Variants in QTRT1 observed in about 807,000 individuals in gnomAD.
The protein encoded by QTRT1 is queuine tRNA-ribosyltransferase catalytic subunit 1.
QTRT1 carries 41 observed loss-of-function variants against 44.0 expected under a neutral mutation model. The ratio of observed to expected loss-of-function variants is 0.93; its 90% CI spans 0.73 to 1.21. QTRT1 has a LOEUF of 1.21. QTRT1 is among the 50% of genes most tolerant of loss of function. QTRT1 has a pLI of 0.00. For synonymous variants in QTRT1, 226 were observed against 237.1 expected (o/e 0.95, Z 0.43); for missense variants, 542 against 575.8 (o/e 0.94, Z 0.60).
In QTRT1 at chr19:10,712,268, A is replaced by T; in HGVS notation, c.754A>T (p.Lys252Ter). Residue 252 changes from lysine (K) to a stop codon, truncating the protein, a stop_gained, in exon 6 of 10, where the codon AAG (lysine) becomes TAG (stop). Transcript: ENST00000250237. LOFTEE classifies it high-confidence loss of function. The surrounding 1 kb of genome is among the most constrained non-coding windows in gnomAD (Gnocchi z 5.6). ...GGCGCTGAGCACCTCTCGGCTGCCG[A>T]AGGACAAGCCCCGATATCTGATGGG... ...MVALSTSRLPKDKPRYLMGVG... is the reference protein window; with the variant it reads ...MVALSTSRLP The T allele has an allele frequency of 6.2e-7, 1 of 1,613,814 alleles. No individual in the cohort carries two copies. Among genetic ancestry groups the T allele is most frequent in the Non-Finnish European group, 8.5e-7 (1 of 1,179,910 alleles).
intron 3 of QTRT1, 112 bp downstream of exon 3, chr19:10,702,366 G>A: frequency 1.6e-6 from 2 of 1,254,878 alleles, no homozygotes; most frequent in East Asian, 2.5e-5. Flanking sequence ...TCCTCGCTGA[G>A]CTTCAGTTGA....
intron 3 of QTRT1, among the ~76,000 whole-genome samples, chr19:10,705,840 CTTTTTTTTTTTTTTTT>C (rs71164114): frequency 2.7e-5 from 1 of 37,700 alleles, no homozygotes; most frequent in Admixed American, 4.0e-4. Context: ...CTGGCCTGTT[CTTTTTTTTTTTTTTTT>C]TTTTTTTTTT....
Position 10,712,095 on chromosome 19 carries a change from T to C in QTRT1, c.647-66T>C, listed in dbSNP as rs1388885734. On this transcript the variant is annotated intron_variant, in intron 5 of 9. Coordinates refer to ENST00000250237, the MANE Select transcript of QTRT1 (RefSeq NM_031209.3). The surrounding 1 kb of genome is among the most constrained non-coding windows in gnomAD (Gnocchi z 5.6). ...CGACTCTGGAAGTCTGGGCAGGGTGTGTTCTGGGATTGAAGACCAGGCGCA... is the reference window on the plus strand; with the variant it reads ...CGACTCTGGAAGTCTGGGCAGGGTGCGTTCTGGGATTGAAGACCAGGCGCA... The C allele has an allele frequency of 6.3e-7, 1 of 1,596,920 alleles. No individual in the cohort carries two copies. The highest frequency in any genetic ancestry group is 1.3e-5 in the African/African-American group (1 of 74,644).
chr19:10,702,552 C>T (rs2068694968), intron 3 of QTRT1, among the ~76,000 whole-genome samples: 1 of 151,882 alleles, frequency 6.6e-6, no homozygotes, highest in Non-Finnish European at 1.5e-5. Context: ...GCCTGTAATC[C>T]CAGCAATTTG....
chr19:10,709,717 C>T (rs577417241), intron 5 of QTRT1, among the ~76,000 whole-genome samples: 15 of 152,186 alleles, frequency 9.9e-5, no homozygotes, highest in South Asian at 8.3e-4. Flanking sequence ...GGCGTGGTGG[C>T]GGGCGCCTGT....
In QTRT1 at chr19:10,712,210, G is replaced by A. The variant is rs1469624698; in HGVS notation, c.696G>A (p.Gly232=). ...VPGFAIGGLS[G]GESKSQFWRM... is the part of the protein sequence containing the mutation. ...GCTTCGCCATCGGGGGCCTGAGCGGGGGTGAGAGCAAGTCGCAGTTCTGGC... is the reference window on the plus strand; with the variant it reads ...GCTTCGCCATCGGGGGCCTGAGCGGAGGTGAGAGCAAGTCGCAGTTCTGGC... Residue 232 remains glycine, a synonymous_variant, in exon 6 of 10, where the codon GGG becomes GGA. Coordinates refer to ENST00000250237, the MANE Select transcript of QTRT1 (RefSeq NM_031209.3). This position sits in a 1 kb window ranked among gnomAD's most constrained non-coding sequence, Gnocchi z 5.6. The A allele has an allele frequency of 4.3e-6, 7 of 1,613,884 alleles. No individual in the cohort carries two copies. Among genetic ancestry groups the A allele is most frequent in the Non-Finnish European group, 5.9e-6 (7 of 1,180,056 alleles).
At chr19:10,705,840 CT>C (rs71164114) in intron 3 of QTRT1, among the ~76,000 whole-genome samples, 386 of 37,664 alleles carry the variant, frequency 0.01, no homozygotes, top group African/African-American at 0.037. Context: ...CTGGCCTGTT[CT>C]TTTTTTTTTT....
At chr19:10,711,892 G>A (rs1481862613) in intron 5 of QTRT1, 1 of 563,164 alleles carries the variant, frequency 1.8e-6, no homozygotes, top group Non-Finnish European at 3.2e-6. Context: ...AGTACTGAAG[G>A]AAAAGGTCTT....
rs767045564 is a variant in QTRT1 at position 10,712,214 on chromosome 19, G to A, written c.700G>A (p.Glu234Lys). Residue 234 changes from glutamate to lysine, a missense_variant, in exon 6 of 10, where the codon GAG (glutamate) becomes AAG (lysine). Transcript: ENST00000250237. This position sits in a 1 kb window ranked among gnomAD's most constrained non-coding sequence, Gnocchi z 5.6. ...GFAIGGLSGGESKSQFWRMVA... is the reference protein window; with the variant it reads ...GFAIGGLSGGKSKSQFWRMVA... Reference sequence around the variant, plus strand: ...CGCCATCGGGGGCCTGAGCGGGGGTGAGAGCAAGTCGCAGTTCTGGCGGAT... The same window carrying A: ...CGCCATCGGGGGCCTGAGCGGGGGTAAGAGCAAGTCGCAGTTCTGGCGGAT... The A allele has an allele frequency of 1.2e-6, 2 of 1,614,028 alleles. No individual in the cohort carries two copies. Among genetic ancestry groups the A allele is most frequent in the Non-Finnish European group, 1.7e-6 (2 of 1,180,056 alleles).
Position 10,707,352 on chromosome 19 carries a change from G to T in QTRT1, c.502G>T (p.Gly168Trp). The T allele has an allele frequency of 6.2e-7, 1 of 1,614,126 alleles. No homozygotes were observed. ...CGACGTGGTTAGCAGTACTGTGACTGGGCCACGTGTGGAGGAGGCCATGTA... is the reference window on the plus strand; with the variant it reads ...CGACGTGGTTAGCAGTACTGTGACTTGGCCACGTGTGGAGGAGGCCATGTA... ...LDDVVSSTVT[G>W]PRVEEAMYRS... Residue 168 changes from glycine to tryptophan, a missense_variant, in exon 4 of 10, where the codon GGG becomes TGG. By Grantham distance (184) the Gly-to-Trp change is radical (BLOSUM62 -2). Transcript: ENST00000250237.
chr19:10,701,989 T>G lies in QTRT1; in HGVS notation c.283T>G (p.Phe95Val). The G allele has an allele frequency of 6.2e-7, 1 of 1,614,160 alleles. No individual in the cohort carries two copies. Among genetic ancestry groups the G allele is most frequent in the Non-Finnish European group, 8.5e-7 (1 of 1,180,020 alleles). ...CCAGAAAGCCAACGGTCTCCACGGC[T>G]TCATGAATTGGCCTCATAATCTGCT... ...LIQKANGLHG[F>V]MNWPHNLLTD... The change falls in exon 2 of 10, where the codon TTC becomes GTC. Residue 95 changes from phenylalanine to valine, a missense_variant. Phe to Val is a conservative substitution (Grantham distance 50). Transcript: ENST00000250237.
chr19:10,702,038 G>A lies in QTRT1; in HGVS notation c.312+20G>A. 1 of 1,614,152 alleles carries A rather than the reference G, an allele frequency of 6.2e-7. No homozygotes were observed. The highest frequency in any genetic ancestry group is 8.5e-7 in the Non-Finnish European group (1 of 1,180,016). On this transcript the variant is annotated intron_variant, in intron 2 of 9. Coordinates refer to ENST00000250237, the MANE Select transcript of QTRT1 (RefSeq NM_031209.3). ...CTAACGGTGAGCTGAGGAGAGAGCC[G>A]ACGTTCTAGGGCCCTTCTCTGGAGT...
Position 10,713,161 on chromosome 19 carries a change from G to A in QTRT1, c.1103G>A (p.Arg368His), listed in dbSNP as rs928746273. 5.0e-6 allele frequency: 8 copies of A among 1,608,992 alleles called. No homozygotes were observed. The African/African-American group carries it at 6.7e-5, about 13-fold the overall frequency. The change falls in exon 10 of 10, where the codon CGC (arginine) becomes CAC (histidine). Residue 368 changes from arginine (R) to histidine (H), a missense_variant. Coordinates refer to ENST00000250237, the MANE Select transcript of QTRT1 (RefSeq NM_031209.3). The surrounding 1 kb of genome is among the most constrained non-coding windows in gnomAD (Gnocchi z 4.3). ...SAVRTSIVEK[R>H]FPDFVRDFMG... is the part of the protein sequence containing the mutation. ...GTCCGCACCAGCATCGTGGAGAAGC[G>A]CTTCCCGGACTTCGTGCGGGACTTC...
In QTRT1 at chr19:10,701,975, A is replaced by G. The variant is rs752108321; in HGVS notation, c.269A>G (p.Asn90Ser). ...GGACCCGAGCTGATCCAGAAAGCCA[A>G]CGGTCTCCACGGCTTCATGAATTGG... ...RPGPELIQKA[N>S]GLHGFMNWPH... is the part of the protein sequence containing the mutation. Residue 90 changes from asparagine (N) to serine (S), a missense_variant, in exon 2 of 10, where the codon AAC (asparagine) becomes AGC (serine). Asn to Ser is a conservative substitution (Grantham distance 46). Transcript: ENST00000250237. 2.5e-5 allele frequency: 41 copies of G among 1,614,034 alleles called. 2 individuals carry two copies. Among genetic ancestry groups the G allele is most frequent in the Middle Eastern group, 1.6e-4 (1 of 6,084 alleles).
chr19:10,712,569 G>T lies in QTRT1; in HGVS notation c.802G>T (p.Val268Leu). ...LMGVGYATDLVVCVALGCDMF... is the reference protein window; with the variant it reads ...LMGVGYATDLLVCVALGCDMF... The stretch of plus-strand genomic sequence containing the variant: ...CAACCCCAGCTATGCCACTGATCTG[G>T]TAGTCTGCGTGGCTCTTGGATGTGA... Residue 268 changes from valine (V) to leucine (L), a missense_variant, in exon 7 of 10, where the codon GTA (valine) becomes TTA (leucine). Physicochemically the swap from Val to Leu is conservative, Grantham distance 32. Transcript: ENST00000250237. The surrounding 1 kb of genome is among the most constrained non-coding windows in gnomAD (Gnocchi z 5.6). 3 of 1,613,870 alleles carry T rather than the reference G, an allele frequency of 1.9e-6. No individual in the cohort carries two copies. Among genetic ancestry groups the T allele is most frequent in the Non-Finnish European group, 2.5e-6 (3 of 1,179,874 alleles).
intron 3 of QTRT1, among the ~76,000 whole-genome samples, chr19:10,704,516 G>A (rs182750433): frequency 8.6e-5 from 13 of 151,722 alleles, no homozygotes; most frequent in African/African-American, 3.1e-4. Context: ...GGATGGTCTC[G>A]ATCTCCTGAC....
rs1377439464 is a variant in QTRT1, at chr19:10,712,347, T to C, written c.785+48T>C. The C allele has an allele frequency of 6.3e-7, 1 of 1,576,186 alleles. No homozygotes were observed. Among genetic ancestry groups the C allele is most frequent in the Non-Finnish European group, 8.6e-7 (1 of 1,160,606 alleles). On this transcript the variant is annotated intron_variant, in intron 6 of 9. Coordinates refer to ENST00000250237, the MANE Select transcript of QTRT1 (RefSeq NM_031209.3). The surrounding 1 kb of genome is among the most constrained non-coding windows in gnomAD (Gnocchi z 5.6). Reference sequence around the variant, plus strand: ...AGAGCCCTACCTGTGGGAAGTGGATTCCTGGGGACCCCCTACCCTGCTTGG... The same window carrying C: ...AGAGCCCTACCTGTGGGAAGTGGATCCCTGGGGACCCCCTACCCTGCTTGG...
intron 5 of QTRT1, among the ~76,000 whole-genome samples, chr19:10,710,154 C>T (rs1458474119): frequency 6.6e-6 from 1 of 151,722 alleles, no homozygotes; most frequent in Non-Finnish European, 1.5e-5. Flanking sequence ...CACTGTACTG[C>T]AGTCTGGGTA....
chr19:10,712,790 C>T lies in QTRT1; in HGVS notation c.894C>T (p.Asn298=), dbSNP rs750704961. Residue 298 remains asparagine, a synonymous_variant, in exon 8 of 10, where the codon AAC becomes AAT. Coordinates refer to ENST00000250237, the MANE Select transcript of QTRT1 (RefSeq NM_031209.3). The surrounding 1 kb of genome is among the most constrained non-coding windows in gnomAD (Gnocchi z 5.6). ...GCTCTGCCCTGGTGCCCACTGGGAA[C>T]CTGCAGTTGAGGAAGAAGGTGTTTG... The part of the protein sequence containing the change: ...RFGSALVPTG[N]LQLRKKVFEK... 1.9e-6 allele frequency: 3 copies of T among 1,613,940 alleles called. No individual in the cohort carries two copies. Among genetic ancestry groups the T allele is most frequent in the Admixed American group, 1.7e-5 (1 of 59,988 alleles).
Sources: allele counts gnomAD v4.1 joint callset (sites outside exome capture counted in the v4.1 genomes callset), GRCh38; gene constraint gnomAD v4.1.1; non-coding constraint Gnocchi (gnomAD v3.1); transcripts MANE v1.5; gene names NCBI Gene and HGNC (gene_info 2026-07-23, HGNC 2026-07-21).